ANO5: variants seen among roughly 807,000 people sequenced by gnomAD.
ANO5 encodes the protein anoctamin-5.
A neutral mutation model predicts 121.0 loss-of-function variants in ANO5; 109 were observed. The observed-to-expected ratio is 0.90, with a 90% CI of 0.77 to 1.06. The LOEUF (loss-of-function observed/expected upper bound fraction) is 1.06, where lower values mean the gene tolerates loss of function less well. ANO5 is among the 50% of genes least tolerant of loss of function. ANO5 has a pLI of 0.00. For missense variants in ANO5, 1,064 were observed against 1,078.5 expected, an observed-to-expected ratio of 0.99 and a Z score of 0.19; for synonymous variants, 406 against 359.9, an observed-to-expected ratio of 1.13 and a Z score of -1.45.
chr11:22,279,583 A>C lies in ANO5; in HGVS notation c.2560A>C (p.Ile854Leu). ...FLVKFLLAWM[I>L]PDVPKDVVER... ...AGTTAAATTTTTGCTGGCCTGGATG[A>C]TACCTGATGTTCCAAAAGATGTTGT... The change falls in exon 22 of 22, where the codon ATA (isoleucine) becomes CTA (leucine). Residue 854 changes from isoleucine to leucine, a missense_variant. Coordinates refer to ENST00000324559, the MANE Select transcript of ANO5 (RefSeq NM_213599.3). 1 of 1,612,876 alleles carries C rather than the reference A, an allele frequency of 6.2e-7. No homozygotes were observed. The highest frequency in any genetic ancestry group is 8.5e-7 in the Non-Finnish European group (1 of 1,179,172).
chr11:22,252,029 C>CAAAAAAAAAAAAA (rs10525160), intron 12 of ANO5, among the ~76,000 whole-genome samples: 20 of 45,860 alleles, frequency 4.4e-4, no homozygotes, highest in African/African-American at 1.3e-3. Flanking sequence ...GACGCCGTCT[C>CAAAAAAAAAAAAA]AAAAAAAAAA....
rs935186490 is a variant in ANO5, at chr11:22,259,830, T to C, written c.1630+89T>C. 5 of 1,303,236 alleles carry C rather than the reference T, an allele frequency of 3.8e-6. No homozygotes were observed. The African/African-American group carries it at 7.4e-5, about 19-fold the overall frequency. The allele number at this position is 1,303,236 out of a possible 1,614,324, so 80.7% of individuals were successfully genotyped here. A position where few individuals can be genotyped will look rare whatever the true frequency, so the allele number is the denominator to read the frequency against. The stretch of plus-strand genomic sequence containing the variant: ...TTTGGATCAGGTCTCCAGGAGTTCA[T>C]TTTCAAAGGACACATTTTAAGGCAG... On this transcript the variant is annotated intron_variant, in intron 15 of 21. Transcript: ENST00000324559.
In ANO5 at chr11:22,277,728, G is replaced by A. The variant is rs1171139243; in HGVS notation, c.2520+1529G>A. ...ACCTTTCAGCCAGTAAATTACTTCC[G>A]GAATTCTTTTGTTTTAATTTATTTA... On this transcript the variant is annotated intron_variant, in intron 21 of 21. Transcript: ENST00000324559. The A allele has an allele frequency of 6.0e-5, 9 of 151,194 alleles. No individual in the cohort carries two copies. The East Asian group carries it at 9.6e-4, about 16-fold the overall frequency. The allele number at this position is 151,194 out of a possible 1,614,324, so 9.4% of individuals were successfully genotyped here.
At chr11:22,279,197 A>T (rs528704239) in intron 21 of ANO5, among the ~76,000 whole-genome samples, 2 of 151,970 alleles carry the variant, frequency 1.3e-5, no homozygotes, top group South Asian at 2.1e-4. Flanking sequence ...GGTTTCCACT[A>T]TCAGTCACCA....
Position 22,276,116 on chromosome 11 carries a change from C to T in ANO5, c.2437C>T (p.Pro813Ser). The T allele has an allele frequency of 1.2e-6, 2 of 1,609,902 alleles. No individual in the cohort carries two copies. Among genetic ancestry groups the T allele is most frequent in the South Asian group, 1.1e-5 (1 of 90,986 alleles). The change falls in exon 21 of 22, where the codon CCT becomes TCT. Residue 813 changes from proline to serine, a missense_variant. Coordinates refer to ENST00000324559, the MANE Select transcript of ANO5 (RefSeq NM_213599.3). Reference protein sequence around the residue: ...TCRYRDYRYPPDDENKYFHNM... With the variant: ...TCRYRDYRYPSDDENKYFHNM... ...CAGGTACAGAGATTACAGATATCCT[C>T]CTGATGACGAGAATAAATATTTTCA...
rs886042760 is a variant in ANO5, at chr11:22,272,954, C to A, written c.2200C>A (p.Leu734Ile). 19 of 1,613,920 alleles carry A rather than the reference C, an allele frequency of 1.2e-5. No homozygotes were observed. The highest frequency in any genetic ancestry group is 1.6e-5 in the Non-Finnish European group (19 of 1,179,996). ...AHSIGVWQDILYGMAVLSVAT... is the reference protein window; with the variant it reads ...AHSIGVWQDIIYGMAVLSVAT... ...TAGCATAGGTGTTTGGCAAGACATT[C>A]TTTATGGAATGGCTGTCCTTTCTGT... Residue 734 changes from leucine to isoleucine, a missense_variant, in exon 19 of 22, where the codon CTT (leucine) becomes ATT (isoleucine). Coordinates refer to ENST00000324559, the MANE Select transcript of ANO5 (RefSeq NM_213599.3).
intron 21 of ANO5, 57 bp from the exon 22 acceptor site, chr11:22,279,487 C>A: frequency 6.3e-6 from 9 of 1,422,226 alleles, no homozygotes; most frequent in Non-Finnish European, 8.9e-6. Context: ...TAAAGACTTT[C>A]TGCTGAGCAT....
intron 1 of ANO5, among the ~76,000 whole-genome samples, chr11:22,197,383 C>T (rs548988467): frequency 2.1e-4 from 31 of 149,372 alleles, no homozygotes; most frequent in African/African-American, 7.8e-4. Flanking sequence ...TACTCTGTTG[C>T]CCAGGCTGGA....
chr11:22,211,747 T>C lies in ANO5; in HGVS notation c.138+433T>C, dbSNP rs555296580. Among the ~76,000 whole-genome samples, 5 of 151,948 alleles carry C rather than the reference T, an allele frequency of 3.3e-5. No individual in the cohort carries two copies. The South Asian group carries it at 1.0e-3, about 31-fold the overall frequency. On this transcript the variant is annotated intron_variant, in intron 3 of 21. Transcript: ENST00000324559. Reference sequence around the variant, plus strand: ...TGAAAAAGTACAATTCATTTAAAAATCAAACTTAAATATCAATTAAAAGGT... The same window carrying C: ...TGAAAAAGTACAATTCATTTAAAAACCAAACTTAAATATCAATTAAAAGGT...
At position 22,193,251 on chromosome 11, in the gene ANO5, G is replaced by C. The variant is rs1248204268; in HGVS notation, c.-242G>C. The stretch of plus-strand genomic sequence containing the variant: ...CGCGCGAAGCAGGTTGTGGGGGACC[G>C]GGTCGAGTGGAAGTACCCGCCGGAG... On this transcript the variant is annotated 5_prime_UTR_variant, in exon 1 of 22. Coordinates refer to ENST00000324559, the MANE Select transcript of ANO5 (RefSeq NM_213599.3). 4 of 1,139,318 alleles carry C rather than the reference G, an allele frequency of 3.5e-6. No individual in the cohort carries two copies. The highest frequency in any genetic ancestry group is 3.5e-5 in the African/African-American group (2 of 57,854). 70.6% of individuals were successfully genotyped at this position (1,139,318 alleles called of 1,614,324 possible).
rs1854670195 is a variant in ANO5 at position 22,272,778 on chromosome 11, C to G, written c.2030-6C>G. ...ATGAGTTCATGCCTTTTTCTTTTCT[C>G]TACAGTTACTCAATTTGGATTTGTT... On this transcript the variant is annotated splice_polypyrimidine_tract_variant and splice_region_variant and intron_variant, in intron 18 of 21. Transcript: ENST00000324559. 3 of 1,612,826 alleles carry G rather than the reference C, an allele frequency of 1.9e-6. No homozygotes were observed. The highest frequency in any genetic ancestry group is 2.5e-6 in the Non-Finnish European group (3 of 1,179,112).
intron 5 of ANO5, among the ~76,000 whole-genome samples, chr11:22,225,358 G>T (rs546941250): frequency 4.6e-5 from 7 of 152,088 alleles, no homozygotes; most frequent in African/African-American, 1.7e-4. Flanking sequence ...CTACTCAGGA[G>T]GCTAGGGAGG....
chr11:22,281,109 T>C lies in ANO5; in HGVS notation c.*1344T>C, dbSNP rs554820565. The stretch of plus-strand genomic sequence containing the variant: ...TTGTGTATACACACACACACATCTA[T>C]ATATATAATTATTAGCACTAGAGGG... On this transcript the variant is annotated 3_prime_UTR_variant, in exon 22 of 22. Coordinates refer to ENST00000324559, the MANE Select transcript of ANO5 (RefSeq NM_213599.3). 6.6e-6 allele frequency: 1 copy of C among 151,980 alleles called. No homozygotes were observed. Among genetic ancestry groups the C allele is most frequent in the Non-Finnish European group, 1.5e-5 (1 of 67,866 alleles). 9.4% of individuals were successfully genotyped at this position (151,980 alleles called of 1,614,324 possible).
intron 1 of ANO5, 25 bp from the exon 2 acceptor site, chr11:22,203,779 T>C (rs1268243255): frequency 7.2e-7 from 1 of 1,395,768 alleles, no homozygotes. Flanking sequence ...ATTTAACATG[T>C]TTTTCTCTTT....
intron 9 of ANO5, among the ~76,000 whole-genome samples, chr11:22,242,220 T>C (rs1388542704): frequency 6.6e-6 from 1 of 152,062 alleles, no homozygotes; most frequent in Non-Finnish European, 1.5e-5. Flanking sequence ...TCATTTCTGC[T>C]TTCTCTGTTT....
chr11:22,259,859 T>C (rs948115784), intron 15 of ANO5, 118 bp downstream of exon 15: 1 of 1,059,698 alleles, frequency 9.4e-7, no homozygotes, highest in Admixed American at 2.0e-5. Context: ...AAGGCAGTTT[T>C]TCTCTATAAA....
intron 17 of ANO5, among the ~76,000 whole-genome samples, chr11:22,265,153 CA>C (rs1854318829): frequency 6.6e-6 from 1 of 151,940 alleles, no homozygotes; most frequent in Non-Finnish European, 1.5e-5. Context: ...AATTCATACC[CA>C]GATTCATTAT....
intron 2 of ANO5, 41 bp from the exon 3 acceptor site, chr11:22,211,223 A>T (rs777651574): frequency 1.6e-5 from 25 of 1,601,308 alleles, no homozygotes; most frequent in Non-Finnish European, 2.1e-5. Context: ...CTCCACCTGC[A>T]CTATTAATAA....
At chr11:22,256,558 C>T (rs920781659) in intron 13 of ANO5, among the ~76,000 whole-genome samples, 6 of 151,836 alleles carry the variant, frequency 4.0e-5, no homozygotes, top group South Asian at 2.1e-4. Flanking sequence ...TCCTATTTCA[C>T]GAAATAAAAA....
Sources: gnomAD v4.1 joint callset for allele counts (sites outside exome capture counted in the v4.1 genomes callset) on GRCh38, gnomAD v4.1.1 for gene constraint, MANE v1.5 for transcripts, NCBI Gene and HGNC (gene_info 2026-07-23, HGNC 2026-07-21) for gene names.